The following ACVR1 variants were observed in gnomAD, a reference collection of about 807,000 sequenced individuals.
ACVR1 encodes the protein activin receptor type-1.
ACVR1 carries 38 observed loss-of-function variants against 57.1 expected under a neutral mutation model. That is an observed-to-expected ratio of 0.67 (90% CI 0.51 to 0.87). The LOEUF (loss-of-function observed/expected upper bound fraction) is 0.87, where lower values mean the gene tolerates loss of function less well. Among genes scored for constraint, ACVR1 ranks in the 40% least tolerant of loss-of-function variants. ACVR1 has a pLI of 0.00. For missense variants in ACVR1, 463 were observed against 638.2 expected (o/e 0.73, Z 2.96); for synonymous variants, 212 against 228.1 (o/e 0.93, Z 0.63).
At chr2:157,808,383 T>C (rs1278380091) in intron 2 of ACVR1, among the ~76,000 whole-genome samples, 1 of 152,118 alleles carries the variant, frequency 6.6e-6, no homozygotes, top group Non-Finnish European at 1.5e-5. Context: ...TTATATAGCC[T>C]AGCAAGGAAA....
chr2:157,802,158 GA>G lies in ACVR1; in HGVS notation c.-7-2659del, dbSNP rs529888610. Among the ~76,000 whole-genome samples, 387 of 152,314 alleles carry G rather than the reference GA, an allele frequency of 2.5e-3. 2 individuals carry two copies. The highest frequency in any genetic ancestry group is 8.3e-3 in the African/African-American group (347 of 41,576). ...AACATCTGAAAAGAATCAGGAATCA[GA>G]AGGATGAGTAGAGGTACTAGGAAAA... On this transcript the variant is annotated intron_variant, in intron 2 of 10. Coordinates refer to ENST00000434821, the MANE Select transcript of ACVR1 (RefSeq NM_001111067.4).
At chr2:157,777,934 GTCTA>G (rs1686353228) in intron 5 of ACVR1, among the ~76,000 whole-genome samples, 193 bp downstream of exon 5, 1 of 152,128 alleles carries the variant, frequency 6.6e-6, no homozygotes, top group Admixed American at 6.5e-5. Flanking sequence ...TTATTTAAAT[GTCTA>G]TCTAAAATGG....
intron 1 of ACVR1, among the ~76,000 whole-genome samples, chr2:157,824,418 T>A (rs981077602): frequency 3.9e-5 from 6 of 152,116 alleles, no homozygotes; most frequent in African/African-American, 1.4e-4. Context: ...CAGTGAGCCA[T>A]GTTCATGCCA....
chr2:157,790,846 C>T (rs1030779819), intron 3 of ACVR1, among the ~76,000 whole-genome samples: 3 of 152,240 alleles, frequency 2.0e-5, no homozygotes, highest in Middle Eastern at 3.2e-3. Context: ...ACTGCACCTA[C>T]TTAATCTCTC....
intron 9 of ACVR1, among the ~76,000 whole-genome samples, chr2:157,741,593 A>G (rs1257325093): frequency 1.3e-5 from 2 of 151,614 alleles, no homozygotes; most frequent in African/African-American, 2.4e-5. Flanking sequence ...CCACTGCACT[A>G]TAGCCTGGTG....
intron 1 of ACVR1, among the ~76,000 whole-genome samples, chr2:157,864,864 C>T (rs908887225): frequency 6.6e-6 from 1 of 151,832 alleles, no homozygotes; most frequent in African/African-American, 2.4e-5. Flanking sequence ...TCTAAAAATC[C>T]ATTGCCTCCA....
chr2:157,783,705 C>G (rs1319831712), intron 3 of ACVR1, among the ~76,000 whole-genome samples: 1 of 152,184 alleles, frequency 6.6e-6, no homozygotes, highest in East Asian at 1.9e-4. Flanking sequence ...TATGAAAGAA[C>G]CCTGAGCTGA....
chr2:157,776,702 T>C (rs762419457), intron 5 of ACVR1, among the ~76,000 whole-genome samples: 98 of 152,164 alleles, frequency 6.4e-4, no homozygotes, highest in Middle Eastern at 3.4e-3. Flanking sequence ...CTGCCACAGG[T>C]GGGTCCTGCA....
At chr2:157,782,086 A>G (rs1056647415) in intron 3 of ACVR1, among the ~76,000 whole-genome samples, 3 of 152,174 alleles carry the variant, frequency 2.0e-5, no homozygotes, top group Non-Finnish European at 4.4e-5. Context: ...TGAAAATGTC[A>G]AGTTCATTTA....
At chr2:157,826,812 AAGGAAAGGGGAG>A (rs1688395994) in intron 1 of ACVR1, among the ~76,000 whole-genome samples, 5 of 143,560 alleles carry the variant, frequency 3.5e-5, no homozygotes, top group African/African-American at 1.3e-4. Flanking sequence ...AGGAAAAGGA[AAGGAAAGGGGAG>A]AGGGGAGAGG....
chr2:157,835,557 C>T (rs1009162475), intron 1 of ACVR1, among the ~76,000 whole-genome samples: 5 of 152,096 alleles, frequency 3.3e-5, no homozygotes, highest in Non-Finnish European at 1.5e-5. Flanking sequence ...AGTTCTTTGA[C>T]TTGTCTTTGA....
chr2:157,819,760 C>T (rs1238018595), intron 1 of ACVR1, among the ~76,000 whole-genome samples: 6 of 151,952 alleles, frequency 3.9e-5, no homozygotes, highest in Admixed American at 2.0e-4. Context: ...CTCTAGATAA[C>T]TAATAAAAAA....
At chr2:157,858,791 A>G (rs1689625377) in intron 1 of ACVR1, among the ~76,000 whole-genome samples, 1 of 151,830 alleles carries the variant, frequency 6.6e-6, no homozygotes, top group Non-Finnish European at 1.5e-5. Flanking sequence ...CCTATTTTTA[A>G]TTTTTTTAAT....
chr2:157,783,159 A>C (rs1182372813), intron 3 of ACVR1, among the ~76,000 whole-genome samples: 3 of 152,218 alleles, frequency 2.0e-5, no homozygotes, highest in Non-Finnish European at 4.4e-5. Context: ...CCATGCTTGT[A>C]ATTTAAAAAT....
At chr2:157,738,901 A>T (rs1684642244) in intron 9 of ACVR1, among the ~76,000 whole-genome samples, 2 of 152,250 alleles carry the variant, frequency 1.3e-5, no homozygotes, top group South Asian at 4.1e-4. Context: ...GAGACATAGA[A>T]CAAAAATTCC....
intron 1 of ACVR1, among the ~76,000 whole-genome samples, chr2:157,866,672 T>C (rs1242542516): frequency 6.6e-6 from 1 of 152,208 alleles, no homozygotes. Flanking sequence ...AGACATAAGA[T>C]ACAGGTGTCA....
chr2:157,858,273 T>C (rs1689602146), intron 1 of ACVR1, among the ~76,000 whole-genome samples: 1 of 152,014 alleles, frequency 6.6e-6, no homozygotes, highest in South Asian at 2.1e-4. Flanking sequence ...CTCAGGCTGT[T>C]CCCAGACTCT....
chr2:157,847,813 G>A (rs1427118889), intron 1 of ACVR1, among the ~76,000 whole-genome samples: 1 of 152,206 alleles, frequency 6.6e-6, no homozygotes, highest in Non-Finnish European at 1.5e-5. Context: ...AGAAAGAGAT[G>A]GAGTTTGAAC....
chr2:157,800,236 C>T (rs991473722), intron 2 of ACVR1, among the ~76,000 whole-genome samples: 1 of 152,108 alleles, frequency 6.6e-6, no homozygotes, highest in Admixed American at 6.6e-5. Flanking sequence ...TGGTAAAGTT[C>T]TTTAATGATA....
Sources: gnomAD v4.1 joint callset for allele counts (sites outside exome capture counted in the v4.1 genomes callset) on GRCh38, gnomAD v4.1.1 for gene constraint, MANE v1.5 for transcripts, NCBI Gene and HGNC (gene_info 2026-07-23, HGNC 2026-07-21) for gene names.